Variants in FGF13 observed in about 807,000 individuals in gnomAD.
FGF13 encodes fibroblast growth factor homologous factor 2.
FGF13 carries 2 observed loss-of-function variants against 19.5 expected under a neutral mutation model. The observed-to-expected ratio is 0.10, with a 90% CI of 0.04 to 0.32. The LOEUF (loss-of-function observed/expected upper bound fraction) is 0.32, where lower values mean the gene tolerates loss of function less well. Among genes scored for constraint, FGF13 ranks in the 10% least tolerant of loss-of-function variants. The pLI is 1.00. For synonymous variants in FGF13, 72 were observed against 76.9 expected (o/e 0.94, Z 0.33); for missense variants, 113 against 192.7 (o/e 0.59, Z 2.45).
rs769900516 is a variant in FGF13, at chrX:138,616,133, A to G, written c.*16717T>C. On this transcript the variant is annotated 3_prime_UTR_variant, in exon 5 of 5. Transcript: ENST00000315930. Reference sequence around the variant, plus strand: ...TGCCCTTCCAATAGTCCCCCAAAGTATTAACTCATTCAAACATTAACCCAG... The same window carrying G: ...TGCCCTTCCAATAGTCCCCCAAAGTGTTAACTCATTCAAACATTAACCCAG... 8.9e-6 allele frequency: 1 copy of G among 112,044 alleles called. No homozygotes were observed. Among genetic ancestry groups the G allele is most frequent in the African/African-American group, 3.2e-5 (1 of 30,812 alleles). 9.2% of individuals were successfully genotyped at this position (112,044 alleles called of 1,213,427 possible).
At chrX:139,104,051 G>A (rs188105170) in intron 1 of FGF13, among the ~76,000 whole-genome samples, 6 of 111,286 alleles carry the variant, frequency 5.4e-5, no homozygotes, top group South Asian at 3.9e-4. Flanking sequence ...GCAAAATGGC[G>A]GCAATGGTAG....
rs1333723745 is a variant in FGF13, at chrX:138,783,376, C to G, written c.217+74136G>C. 2.5e-3 allele frequency among the ~76,000 whole-genome samples: 263 copies of G among 105,186 alleles called. 2 individuals are homozygous for G. The highest frequency in any genetic ancestry group is 0.022 in the Admixed American group (212 of 9,603). The allele number at this position is 105,186 out of a possible 115,157, so 91.3% of individuals were successfully genotyped here. The stretch of plus-strand genomic sequence containing the variant: ...AGAAACTACCATCAGAGTGAACAGG[C>G]AACCTACAAAATGGAAGAAAATTTT... On this transcript the variant is annotated intron_variant, in intron 3 of 6. Transcript: ENST00000436198.
chrX:139,204,111 TCCC>T, upstream of FGF13: 1 of 1,209,703 alleles, frequency 8.3e-7, no homozygotes, highest in Non-Finnish European at 1.1e-6. Context: ...CACTCATAGA[TCCC>T]AGCTTGCTTG....
chrX:138,971,102 C>A (rs1034103957), intron 1 of FGF13, among the ~76,000 whole-genome samples: 1 of 111,540 alleles, frequency 9.0e-6, no homozygotes, highest in Non-Finnish European at 1.9e-5. Flanking sequence ...AAGTGGCCCA[C>A]AACACCAAGG....
chrX:139,203,089 C>G (rs1198853652), intron 1 of FGF13, among the ~76,000 whole-genome samples: 1 of 112,337 alleles, frequency 8.9e-6, no homozygotes, highest in African/African-American at 3.2e-5. Flanking sequence ...AGAAAGGCAA[C>G]GGCTAGAACC....
At chrX:138,726,961 G>A (rs746363334) in intron 1 of FGF13, among the ~76,000 whole-genome samples, 6 of 110,653 alleles carry the variant, frequency 5.4e-5, no homozygotes, top group African/African-American at 9.8e-5. Context: ...TTAACACTTC[G>A]CTCTGCTGCC....
intron 1 of FGF13, among the ~76,000 whole-genome samples, chrX:139,190,121 C>T (rs1204030204): frequency 9.0e-6 from 1 of 111,658 alleles, no homozygotes; most frequent in Non-Finnish European, 1.9e-5. Flanking sequence ...CTGTAAACAT[C>T]CCAAGAAAAG....
At chrX:138,969,050 T>C (rs1024926876) in intron 1 of FGF13, among the ~76,000 whole-genome samples, 1 of 110,897 alleles carries the variant, frequency 9.0e-6, no homozygotes, top group African/African-American at 3.3e-5. Flanking sequence ...TTGATGAGAG[T>C]TGAAACTGGA....
At chrX:138,993,538 A>G (rs1415478194) in intron 1 of FGF13, among the ~76,000 whole-genome samples, 1 of 111,734 alleles carries the variant, frequency 8.9e-6, no homozygotes, top group Non-Finnish European at 1.9e-5. Context: ...TATCTCTAAG[A>G]CAACAGAGTA....
chrX:138,922,904 C>T (rs2091654094), intron 1 of FGF13, among the ~76,000 whole-genome samples: 1 of 111,834 alleles, frequency 8.9e-6, no homozygotes, highest in Admixed American at 9.5e-5. Flanking sequence ...CACCATAAAT[C>T]CACATCAAAC....
chrX:138,844,774 T>A (rs996221944), intron 3 of FGF13, among the ~76,000 whole-genome samples: 1 of 110,850 alleles, frequency 9.0e-6, no homozygotes, highest in African/African-American at 3.3e-5. Flanking sequence ...TCTCTCCCTA[T>A]GTGTCTCATC....
At chrX:138,772,674 A>G (rs925196776) in intron 3 of FGF13, among the ~76,000 whole-genome samples, 3 of 111,503 alleles carry the variant, frequency 2.7e-5, no homozygotes, top group African/African-American at 9.8e-5. Context: ...TGCTAACAAG[A>G]TTATGAATTA....
At chrX:139,000,116 C>T (rs2092065389) in intron 1 of FGF13, among the ~76,000 whole-genome samples, 1 of 111,671 alleles carries the variant, frequency 9.0e-6, no homozygotes, top group East Asian at 2.8e-4. Flanking sequence ...GCATAAAAGG[C>T]CTTCTATAAA....
chrX:139,204,049 G>C (rs1433141818), upstream of FGF13: 1 of 1,207,933 alleles, frequency 8.3e-7, no homozygotes, highest in African/African-American at 1.7e-5. Context: ...GACTCGGCGG[G>C]CGGGCTTACC....
At chrX:138,989,320 CA>C (rs781467426) in intron 1 of FGF13, among the ~76,000 whole-genome samples, 2 of 111,799 alleles carry the variant, frequency 1.8e-5, no homozygotes, top group African/African-American at 6.5e-5. Flanking sequence ...ATGGCGATCA[CA>C]ACCACACTTC....
chrX:139,070,003 C>A (rs1320463692), intron 1 of FGF13, among the ~76,000 whole-genome samples: 1 of 112,199 alleles, frequency 8.9e-6, no homozygotes, highest in Admixed American at 9.5e-5. Context: ...AAGACTTAAA[C>A]ATAAGACCTA....
chrX:138,866,638 G>A (rs779146943), intron 1 of FGF13, among the ~76,000 whole-genome samples: 4 of 110,866 alleles, frequency 3.6e-5, no homozygotes, highest in Non-Finnish European at 7.5e-5. Flanking sequence ...TTGAGGCTTA[G>A]TTTCCTCAAC....
intron 1 of FGF13, among the ~76,000 whole-genome samples, chrX:138,991,087 T>C (rs934238976): frequency 8.9e-6 from 1 of 111,927 alleles, no homozygotes; most frequent in Non-Finnish European, 1.9e-5. Flanking sequence ...AGTCAAACTA[T>C]CAAGAGGAAA....
intron 1 of FGF13, among the ~76,000 whole-genome samples, chrX:138,867,826 T>TATC (rs774569251): frequency 1.9e-5 from 2 of 103,699 alleles, no homozygotes; most frequent in East Asian, 3.4e-4. Flanking sequence ...TCTATCTATC[T>TATC]ATCTATCATC....
Sources: gnomAD v4.1 joint callset for allele counts (sites outside exome capture counted in the v4.1 genomes callset) on GRCh38, gnomAD v4.1.1 for gene constraint, MANE v1.5 for transcripts, NCBI Gene and HGNC (gene_info 2026-07-23, HGNC 2026-07-21) for gene names.